Variants in RABGAP1L observed in about 807,000 individuals in gnomAD.
RABGAP1L encodes rab GTPase-activating protein 1-like.
RABGAP1L carries 63 observed loss-of-function variants against 137.7 expected under a neutral mutation model. The observed-to-expected ratio is 0.46, with a 90% CI of 0.37 to 0.56. The LOEUF is 0.56. Ranked by LOEUF, RABGAP1L falls within the 20% of genes least tolerant of loss-of-function variation. The probability of loss-of-function intolerance (pLI) is 0.00; values close to 1 mark genes in which losing one functional copy is unlikely to be tolerated. For missense variants in RABGAP1L, 1,095 were observed against 1,244.0 expected, an observed-to-expected ratio of 0.88 and a Z score of 1.80; for synonymous variants, 431 against 433.7, an observed-to-expected ratio of 0.99 and a Z score of 0.08.
intron 13 of RABGAP1L, among the ~76,000 whole-genome samples, chr1:174,478,914 A>G (rs1558268250): frequency 6.6e-6 from 1 of 152,148 alleles, no homozygotes; most frequent in Non-Finnish European, 1.5e-5. Flanking sequence ...TCCAAAAGAT[A>G]TTTGGAATCT....
At chr1:174,728,974 T>A (rs1312060514) in intron 17 of RABGAP1L, among the ~76,000 whole-genome samples, 1 of 152,036 alleles carries the variant, frequency 6.6e-6, no homozygotes. Flanking sequence ...TAAATAAAAC[T>A]ATTCAAAAAA....
chr1:174,845,849 C>T (rs1214621964), intron 19 of RABGAP1L, among the ~76,000 whole-genome samples: 7 of 134,844 alleles, frequency 5.2e-5, no homozygotes, highest in Non-Finnish European at 9.4e-5. Flanking sequence ...GTGAATCCAT[C>T]TGGTCCTGGA....
intron 19 of RABGAP1L, among the ~76,000 whole-genome samples, chr1:174,942,922 C>T (rs1479825187): frequency 6.6e-6 from 1 of 152,140 alleles, no homozygotes; most frequent in Non-Finnish European, 1.5e-5. Context: ...TTTGTAAGCT[C>T]CTTAAAAGCA....
chr1:174,263,421 T>G (rs1485330090), intron 7 of RABGAP1L, among the ~76,000 whole-genome samples: 1 of 152,234 alleles, frequency 6.6e-6, no homozygotes, highest in East Asian at 1.9e-4. Context: ...TAATTCTTTA[T>G]AGTAAATTTT....
intron 13 of RABGAP1L, among the ~76,000 whole-genome samples, chr1:174,477,161 A>G (rs777213254): frequency 1.3e-5 from 2 of 152,192 alleles, no homozygotes; most frequent in Non-Finnish European, 2.9e-5. Context: ...TGGGTACCAG[A>G]TAAAATGCTG....
chr1:174,780,398 T>C (rs1420291669), intron 18 of RABGAP1L, among the ~76,000 whole-genome samples: 2 of 152,144 alleles, frequency 1.3e-5, no homozygotes, highest in Non-Finnish European at 2.9e-5. Flanking sequence ...TGTCTGGGAA[T>C]AGGCTTCCTC....
chr1:174,387,553 T>C lies in RABGAP1L; in HGVS notation c.1560-6442T>C, dbSNP rs114418490. Among the ~76,000 whole-genome samples, 1,447 of 152,010 alleles carry C rather than the reference T, an allele frequency of 9.5e-3. 25 individuals carry two copies. The highest frequency in any genetic ancestry group is 0.033 in the African/African-American group (1,388 of 41,458). ...GACTCCCATTGGGTTTTTCTTTTTT[T>C]TTTTTGGAAGGTAATATTGGAGTAG... On this transcript the variant is annotated intron_variant, in intron 12 of 25. Coordinates refer to ENST00000681986, the MANE Select transcript of RABGAP1L (RefSeq NM_001366446.1).
intron 3 of RABGAP1L, among the ~76,000 whole-genome samples, chr1:174,228,833 A>C (rs1165834529): frequency 6.6e-6 from 1 of 152,134 alleles, no homozygotes; most frequent in Non-Finnish European, 1.5e-5. Flanking sequence ...GACCTAGTTC[A>C]AGTGATACAT....
chr1:174,283,195 G>A (rs540542825), intron 10 of RABGAP1L, among the ~76,000 whole-genome samples: 1 of 152,058 alleles, frequency 6.6e-6, no homozygotes, highest in South Asian at 2.1e-4. Flanking sequence ...TTGAGGCCAG[G>A]AGTTTGAGAC....
chr1:174,228,977 T>C (rs531475238), intron 3 of RABGAP1L, among the ~76,000 whole-genome samples: 29 of 152,170 alleles, frequency 1.9e-4, no homozygotes, highest in African/African-American at 6.3e-4. Flanking sequence ...CTAACCACAA[T>C]TGGACCTTTG....
intron 17 of RABGAP1L, among the ~76,000 whole-genome samples, chr1:174,713,238 C>A (rs988739413): frequency 3.3e-5 from 5 of 152,142 alleles, no homozygotes; most frequent in African/African-American, 9.7e-5. Context: ...CTCAGGAGAA[C>A]CATTATGAAG....
intron 13 of RABGAP1L, among the ~76,000 whole-genome samples, chr1:174,484,058 C>T (rs188200424): frequency 7.3e-4 from 111 of 152,220 alleles, no homozygotes; most frequent in Middle Eastern, 3.4e-3. Context: ...TCCACATCCT[C>T]GCCAGCATCT....
intron 10 of RABGAP1L, among the ~76,000 whole-genome samples, chr1:174,290,905 G>A (rs1676535735): frequency 6.6e-6 from 1 of 151,840 alleles, no homozygotes; most frequent in Non-Finnish European, 1.5e-5. Flanking sequence ...GGGACTACAA[G>A]CATGTGCCAC....
chr1:174,364,755 G>C (rs6701911), intron 11 of RABGAP1L, among the ~76,000 whole-genome samples: 44,463 of 151,880 alleles, frequency 0.29, 7,294 homozygotes, highest in African/African-American at 0.43. Flanking sequence ...CCCCTGAAAC[G>C]AGCATGTCTC....
intron 18 of RABGAP1L, among the ~76,000 whole-genome samples, chr1:174,785,671 C>G (rs1378350133): frequency 6.6e-6 from 1 of 152,174 alleles, no homozygotes; most frequent in African/African-American, 2.4e-5. Flanking sequence ...AAGAACGGGA[C>G]CATTCGAGCC....
chr1:174,833,966 A>G (rs1482417611), intron 19 of RABGAP1L, among the ~76,000 whole-genome samples: 1 of 152,192 alleles, frequency 6.6e-6, no homozygotes, highest in Admixed American at 6.5e-5. Flanking sequence ...AAGAGGAATA[A>G]TTAAGTATGC....
At chr1:174,903,941 A>T (rs1195990449) in intron 19 of RABGAP1L, among the ~76,000 whole-genome samples, 1 of 148,348 alleles carries the variant, frequency 6.7e-6, no homozygotes, top group African/African-American at 2.5e-5. Context: ...CAAGAGCGAA[A>T]CTCTGTCTCA....
chr1:174,962,737 C>A (rs1669274165), intron 20 of RABGAP1L, among the ~76,000 whole-genome samples: 1 of 141,182 alleles, frequency 7.1e-6, no homozygotes, highest in Admixed American at 6.6e-5. Flanking sequence ...AGGGAGTAGA[C>A]TTTTTAAAAA....
At chr1:174,704,335 A>C (rs1679890773) in intron 17 of RABGAP1L, among the ~76,000 whole-genome samples, 1 of 152,208 alleles carries the variant, frequency 6.6e-6, no homozygotes, top group South Asian at 2.1e-4. Context: ...TAGAAGTTTA[A>C]ATGTAAAAAT....
Sources: allele counts gnomAD v4.1 joint callset (sites outside exome capture counted in the v4.1 genomes callset), GRCh38; gene constraint gnomAD v4.1.1; transcripts MANE v1.5; gene names NCBI Gene and HGNC (gene_info 2026-07-23, HGNC 2026-07-21).